Variants in DLGAP1 observed in about 807,000 individuals in gnomAD.
DLGAP1 encodes the protein DLG associated protein 1, also known as disks large-associated protein 1.
A neutral mutation model predicts 90.8 loss-of-function variants in DLGAP1; 11 were observed. That is an observed-to-expected ratio of 0.12 (90% confidence interval 0.08 to 0.20). The LOEUF is 0.20. DLGAP1 is among the 10% of genes least tolerant of loss of function. The pLI is 1.00. For synonymous variants in DLGAP1, 558 were observed against 540.7 expected (o/e 1.03, Z -0.44); for missense variants, 1,050 against 1,333.8 (o/e 0.79, Z 3.31).
At chr18:4,347,858 A>G (rs2081327676) in intron 1 of DLGAP1, among the ~76,000 whole-genome samples, 1 of 152,138 alleles carries the variant, frequency 6.6e-6, no homozygotes, top group South Asian at 2.1e-4. Context: ...GGTAGAGAAG[A>G]GGTAAAAGTA....
chr18:4,358,471 G>C (rs12967698), intron 1 of DLGAP1, among the ~76,000 whole-genome samples: 15,429 of 152,218 alleles, frequency 0.1, 819 homozygotes, highest in African/African-American at 0.14. Context: ...TGTGTGTGCC[G>C]CTTAGGGAGT....
intron 2 of DLGAP1, among the ~76,000 whole-genome samples, chr18:4,044,580 A>C (rs184379741): frequency 6.6e-6 from 1 of 152,202 alleles, no homozygotes; most frequent in East Asian, 1.9e-4. Context: ...GTCTCTACTA[A>C]AAATACAAAA....
chr18:3,748,089 A>T (rs1399945312), intron 5 of DLGAP1, among the ~76,000 whole-genome samples: 1 of 152,136 alleles, frequency 6.6e-6, no homozygotes, highest in Non-Finnish European at 1.5e-5. Flanking sequence ...ACGAAATGGC[A>T]CTCTTCTTTT....
At chr18:4,270,746 A>AT (rs1373701637) in intron 1 of DLGAP1, among the ~76,000 whole-genome samples, 2 of 152,128 alleles carry the variant, frequency 1.3e-5, no homozygotes, top group African/African-American at 4.8e-5. Flanking sequence ...TAATCAGGTG[A>AT]TTTTATAAGC....
intron 1 of DLGAP1, among the ~76,000 whole-genome samples, chr18:4,287,645 A>G (rs564348574): frequency 6.6e-6 from 1 of 152,130 alleles, no homozygotes; most frequent in Non-Finnish European, 1.5e-5. Context: ...TTGAACAATG[A>G]GAACAGGGAG....
chr18:4,242,200 G>A (rs641205), intron 1 of DLGAP1, among the ~76,000 whole-genome samples: 23,324 of 151,870 alleles, frequency 0.15, 3,441 homozygotes, highest in African/African-American at 0.38. Flanking sequence ...TCTTTGTTTT[G>A]GGAAGATTAT....
intron 1 of DLGAP1, among the ~76,000 whole-genome samples, chr18:4,166,575 A>T (rs1045414154): frequency 6.6e-6 from 1 of 152,256 alleles, no homozygotes; most frequent in Admixed American, 6.5e-5. Flanking sequence ...AATCGAAAGC[A>T]TAGGCTTAAA....
At chr18:4,134,740 G>A (rs979633766) in intron 2 of DLGAP1, among the ~76,000 whole-genome samples, 1 of 151,882 alleles carries the variant, frequency 6.6e-6, no homozygotes, top group Admixed American at 6.6e-5. Flanking sequence ...TCTTATTACC[G>A]AAGACCCAGG....
chr18:4,055,486 G>A (rs955930008), intron 2 of DLGAP1, among the ~76,000 whole-genome samples: 9 of 152,124 alleles, frequency 5.9e-5, no homozygotes, highest in East Asian at 1.9e-4. Flanking sequence ...TCTTCTTTGC[G>A]TCCATGTGTA....
At chr18:4,422,968 CTTAACATAATGA>C (rs1323685785) in intron 1 of DLGAP1, among the ~76,000 whole-genome samples, 1 of 152,032 alleles carries the variant, frequency 6.6e-6, no homozygotes, top group Non-Finnish European at 1.5e-5. Context: ...AGGCACTAAC[CTTAACATAATGA>C]TTAGCATAAT....
At chr18:3,520,113 T>G (rs1041854234) in intron 10 of DLGAP1, among the ~76,000 whole-genome samples, 1 of 152,172 alleles carries the variant, frequency 6.6e-6, no homozygotes, top group African/African-American at 2.4e-5. Context: ...ACAAATAGTC[T>G]TAATGTTCTG....
intron 7 of DLGAP1, among the ~76,000 whole-genome samples, chr18:3,725,334 A>G (rs1598470806): frequency 6.6e-6 from 1 of 152,242 alleles, no homozygotes; most frequent in Non-Finnish European, 1.5e-5. Flanking sequence ...TATTCAGCAC[A>G]GGAAGTAAAA....
chr18:3,863,473 A>T (rs1406282654), intron 4 of DLGAP1, among the ~76,000 whole-genome samples: 1 of 152,020 alleles, frequency 6.6e-6, no homozygotes, highest in Non-Finnish European at 1.5e-5. Context: ...TTGGTAATAA[A>T]CCCGTTCATT....
At position 3,653,210 on chromosome 18, in the gene DLGAP1, C is replaced by G. The variant is rs376614693; in HGVS notation, c.1592-70962G>C. Among the ~76,000 whole-genome samples the G allele has an allele frequency of 7.2e-5, 11 of 152,284 alleles. No individual in the cohort carries two copies. The highest frequency in any genetic ancestry group is 6.5e-4 in the Admixed American group (10 of 15,290). On this transcript the variant is annotated intron_variant, in intron 7 of 12. Transcript: ENST00000315677. This position sits in a 1 kb window ranked among gnomAD's most constrained non-coding sequence, Gnocchi z 4.6. ...TTAGAAGACTCTTGTGGAATTCTTG[C>G]TGTGAGTGGTTTTTCCTTCCCTGCC...
At chr18:4,096,838 A>AACCCTCCTGTATTTCAGTTT (rs2075688592) in intron 2 of DLGAP1, among the ~76,000 whole-genome samples, 1 of 151,586 alleles carries the variant, frequency 6.6e-6, no homozygotes, top group East Asian at 1.9e-4. Flanking sequence ...CAAGTTACTT[A>AACCCTCCTGTATTTCAGTTT]ACCCTCCTGT....
chr18:4,442,141 G>A (rs1052339821), intron 1 of DLGAP1, among the ~76,000 whole-genome samples: 1 of 152,098 alleles, frequency 6.6e-6, no homozygotes, highest in Non-Finnish European at 1.5e-5. Flanking sequence ...ACAGGCGCAC[G>A]CCACCATGCC....
chr18:4,230,514 G>C (rs1454565268), intron 1 of DLGAP1, among the ~76,000 whole-genome samples: 2 of 151,966 alleles, frequency 1.3e-5, no homozygotes, highest in Non-Finnish European at 2.9e-5. Context: ...ATTATGTTAA[G>C]TAAAATATCC....
chr18:4,270,493 T>C (rs1412993782), intron 1 of DLGAP1, among the ~76,000 whole-genome samples: 1 of 152,226 alleles, frequency 6.6e-6, no homozygotes, highest in African/African-American at 2.4e-5. Flanking sequence ...ATAATTAATT[T>C]AGTGATAACA....
intron 5 of DLGAP1, among the ~76,000 whole-genome samples, chr18:3,766,317 CATATATTGA>C (rs1053116059): frequency 3.3e-5 from 5 of 151,928 alleles, no homozygotes; most frequent in African/African-American, 1.2e-4. Context: ...CAAACAACAG[CATATATTGA>C]ATGAAAAAGC....
Sources: gnomAD v4.1 joint callset for allele counts (sites outside exome capture counted in the v4.1 genomes callset) on GRCh38, gnomAD v4.1.1 for gene constraint, Gnocchi (gnomAD v3.1) non-coding constraint, MANE v1.5 for transcripts, NCBI Gene and HGNC (gene_info 2026-07-23, HGNC 2026-07-21) for gene names.